The following NRCAM variants were observed in gnomAD, a reference collection of about 807,000 sequenced individuals.
The protein encoded by NRCAM is NgCAM-related cell adhesion molecule.
Under a neutral mutation model 156.5 loss-of-function variants are expected in NRCAM, and 83 were observed. The observed-to-expected ratio is 0.53, with a 90% confidence interval of 0.44 to 0.64. The LOEUF is 0.64. Among genes scored for constraint, NRCAM ranks in the 30% least tolerant of loss-of-function variants. The pLI is 0.00. For synonymous variants in NRCAM, 538 were observed against 563.9 expected (o/e 0.95, Z 0.65); for missense variants, 1,417 against 1,597.3 (o/e 0.89, Z 1.92).
intron 3 of NRCAM, among the ~76,000 whole-genome samples, chr7:108,274,156 T>C (rs1402657665): frequency 1.3e-5 from 2 of 152,206 alleles, no homozygotes; most frequent in African/African-American, 4.8e-5. Flanking sequence ...TGTAGTGTAG[T>C]TTGAAGTCAG....
At chr7:108,226,467 CT>C (rs2093457708) in intron 8 of NRCAM, 89 bp from the exon 9 acceptor site, 1 of 789,682 alleles carries the variant, frequency 1.3e-6, no homozygotes, top group South Asian at 2.0e-5. Flanking sequence ...ACTAATAGGT[CT>C]GTGAACTTCA....
At chr7:108,387,713 C>T (rs1362434405) in intron 2 of NRCAM, among the ~76,000 whole-genome samples, 2 of 138,662 alleles carry the variant, frequency 1.4e-5, no homozygotes, top group African/African-American at 5.2e-5. Context: ...ATCCCTCCCC[C>T]TCCCCCCACC....
intron 2 of NRCAM, among the ~76,000 whole-genome samples, chr7:108,331,761 CGTT>C (rs1177240120): frequency 6.6e-6 from 1 of 152,154 alleles, no homozygotes; most frequent in African/African-American, 2.4e-5. Flanking sequence ...TGGAGCTACT[CGTT>C]TACCTTCATG....
At chr7:108,174,067 A>C (rs537282882) in intron 28 of NRCAM, among the ~76,000 whole-genome samples, 12 of 152,346 alleles carry the variant, frequency 7.9e-5, no homozygotes, top group Admixed American at 5.2e-4. Context: ...TTATAAAGCA[A>C]TATATTATTG....
intron 3 of NRCAM, among the ~76,000 whole-genome samples, chr7:108,269,386 C>A (rs1387268644): frequency 6.6e-6 from 1 of 152,236 alleles, no homozygotes; most frequent in East Asian, 1.9e-4. Context: ...GCTCTGATTT[C>A]ACTTTGTAAT....
intron 13 of NRCAM, 125 bp downstream of exon 13, chr7:108,207,403 G>A: frequency 1.2e-6 from 1 of 861,226 alleles, no homozygotes; most frequent in Non-Finnish European, 1.8e-6. Flanking sequence ...TTTGGTGCCT[G>A]TGTTTAACAT....
intron 32 of NRCAM, among the ~76,000 whole-genome samples, chr7:108,155,572 T>A (rs1251476917): frequency 6.6e-6 from 1 of 152,052 alleles, no homozygotes; most frequent in Non-Finnish European, 1.5e-5. Flanking sequence ...CTGCTTCTGT[T>A]CCCTTGGTAC....
intron 3 of NRCAM, among the ~76,000 whole-genome samples, chr7:108,254,597 G>C (rs182128651): frequency 1.4e-5 from 2 of 142,668 alleles, no homozygotes; most frequent in Non-Finnish European, 1.5e-5. Context: ...GCCCAGGCTG[G>C]AGTATAATAG....
At chr7:108,324,870 C>T (rs1293310063) in intron 2 of NRCAM, among the ~76,000 whole-genome samples, 2 of 134,290 alleles carry the variant, frequency 1.5e-5, no homozygotes, top group East Asian at 4.4e-4. Flanking sequence ...TAATATTTGG[C>T]ACTGTACTTT....
intron 3 of NRCAM, among the ~76,000 whole-genome samples, chr7:108,283,679 T>C (rs747349999): frequency 1.3e-5 from 2 of 152,226 alleles, no homozygotes; most frequent in Admixed American, 6.5e-5. Flanking sequence ...TTGGCTTTTC[T>C]GCAGTGTGTG....
chr7:108,372,031 T>G (rs531764572), intron 2 of NRCAM, among the ~76,000 whole-genome samples: 2 of 151,966 alleles, frequency 1.3e-5, no homozygotes, highest in Non-Finnish European at 2.9e-5. Context: ...TATAGGCCAA[T>G]AGAACAGAAC....
At chr7:108,201,654 C>G (rs2078206403) in intron 13 of NRCAM, among the ~76,000 whole-genome samples, 1 of 152,148 alleles carries the variant, frequency 6.6e-6, no homozygotes, top group African/African-American at 2.4e-5. Flanking sequence ...GGACAATTTT[C>G]CCCAAGTGGA....
At chr7:108,173,994 A>C (rs1002072080) in intron 28 of NRCAM, among the ~76,000 whole-genome samples, 1 of 152,218 alleles carries the variant, frequency 6.6e-6, no homozygotes, top group African/African-American at 2.4e-5. Context: ...AGGCACAGCC[A>C]CAGTGACATG....
intron 3 of NRCAM, among the ~76,000 whole-genome samples, chr7:108,296,196 A>G (rs2098451373): frequency 6.6e-6 from 1 of 152,288 alleles, no homozygotes; most frequent in Admixed American, 6.5e-5. Context: ...TTTTATCCCT[A>G]CAACTAGTGG....
chr7:108,178,063 A>G lies in NRCAM; in HGVS notation c.2901T>C (p.Ser967=). The G allele has an allele frequency of 6.2e-7, 1 of 1,613,720 alleles. No individual in the cohort carries two copies. Among genetic ancestry groups the G allele is most frequent in the African/African-American group, 1.3e-5 (1 of 75,026 alleles). The change falls in exon 26 of 33, where the codon TCT becomes TCC. Residue 967 remains serine, a synonymous_variant. Transcript: ENST00000379028. Reference sequence around the variant, plus strand: ...TCGGTGGATCCCATTCCAAAGTGAGAGAGTCCAGTGTTGGATTCACAATCT... The same window carrying G: ...TCGGTGGATCCCATTCCAAAGTGAGGGAGTCCAGTGTTGGATTCACAATCT... ...SLKIVNPTLD[S]LTLEWDPPSH...
chr7:108,282,411 T>C (rs191694594), intron 3 of NRCAM, among the ~76,000 whole-genome samples: 4 of 152,332 alleles, frequency 2.6e-5, no homozygotes, highest in African/African-American at 9.6e-5. Context: ...ACTGGGGCAG[T>C]AGCACTCATC....
Position 108,279,624 on chromosome 7 carries a change from C to G in NRCAM, c.-107+33041G>C, listed in dbSNP as rs1199290925. On this transcript the variant is annotated intron_variant, in intron 3 of 32. Transcript: ENST00000379028. Reference sequence around the variant, plus strand: ...GCCTTGACCTGCCGCCTTCCCCCATCCCCCCTGCCCTCCCCACCCACCCCA... The same window carrying G: ...GCCTTGACCTGCCGCCTTCCCCCATGCCCCCTGCCCTCCCCACCCACCCCA... 1.2e-4 allele frequency among the ~76,000 whole-genome samples: 16 copies of G among 138,874 alleles called. No individual in the cohort carries two copies. The East Asian group carries it at 3.4e-3, about 29-fold the overall frequency. 91.1% of individuals were successfully genotyped at this position (138,874 alleles called of 152,430 possible).
At chr7:108,385,857 A>T (rs1196966636) in intron 2 of NRCAM, among the ~76,000 whole-genome samples, 2 of 144,152 alleles carry the variant, frequency 1.4e-5, no homozygotes, top group Non-Finnish European at 3.1e-5. Flanking sequence ...CAGTGGATCC[A>T]TTTAATCAAG....
intron 2 of NRCAM, among the ~76,000 whole-genome samples, chr7:108,379,824 G>A (rs1043902349): frequency 6.6e-6 from 1 of 152,064 alleles, no homozygotes; most frequent in Non-Finnish European, 1.5e-5. Context: ...TGAATAAGTT[G>A]CCCATATTAC....
Sources: gnomAD v4.1 joint callset for allele counts (sites outside exome capture counted in the v4.1 genomes callset) on GRCh38, gnomAD v4.1.1 for gene constraint, MANE v1.5 for transcripts, NCBI Gene and HGNC (gene_info 2026-07-23, HGNC 2026-07-21) for gene names.